PTPRH: variants seen among roughly 807,000 people sequenced by gnomAD.
PTPRH encodes the protein protein tyrosine phosphatase receptor type H.
PTPRH carries 113 observed loss-of-function variants against 130.2 expected under a neutral mutation model. The observed-to-expected ratio is 0.87, with a 90% confidence interval of 0.75 to 1.01. PTPRH has a LOEUF of 1.01. Among genes scored for constraint, PTPRH ranks in the 50% least tolerant of loss-of-function variants. The pLI, the probability that PTPRH is intolerant of heterozygous loss-of-function variation, is 0.00. For missense variants in PTPRH, 1,430 were observed against 1,425.0 expected (o/e 1.00, Z -0.06); for synonymous variants, 556 against 577.9 (o/e 0.96, Z 0.54).
intron 9 of PTPRH, 128 bp downstream of exon 9, chr19:55,196,989 T>G (rs924278758): frequency 2.3e-6 from 3 of 1,286,232 alleles, no homozygotes. Context: ...CTTGGGCTCC[T>G]CCATCACTGC....
Position 55,196,679 on chromosome 19 carries a change from C to T in PTPRH, c.2100G>A (p.Val700=), listed in dbSNP as rs776266335. 5 of 1,613,986 alleles carry T rather than the reference C, an allele frequency of 3.1e-6. No individual in the cohort carries two copies. Among genetic ancestry groups the T allele is most frequent in the South Asian group, 1.1e-5 (1 of 91,082 alleles). ...TGTCCTGGGAGCCCCGCTGTCCTCC[C>T]ACCTCCAACTCAAAGGCCTCGTAGC... is the stretch of plus-strand genomic sequence containing the variant. The part of the protein sequence containing the change: ...QGGYEAFELE[V]GGQRGSQDRS... Residue 700 remains valine, a synonymous_variant, in exon 10 of 20, where the codon GTG becomes GTA. Coordinates refer to ENST00000376350, the MANE Select transcript of PTPRH (RefSeq NM_002842.5).
In PTPRH at chr19:55,197,375, T is replaced by A. The variant is rs1224213630; in HGVS notation, c.1732A>T (p.Lys578Ter). The A allele has an allele frequency of 1.2e-6, 2 of 1,613,858 alleles. No individual in the cohort carries two copies. The highest frequency in any genetic ancestry group is 1.7e-6 in the Non-Finnish European group (2 of 1,179,708). The change falls in exon 9 of 20, where the codon AAG (lysine) becomes TAG (stop). Residue 578 changes from lysine to a stop codon, truncating the protein, a stop_gained. Coordinates refer to ENST00000376350, the MANE Select transcript of PTPRH (RefSeq NM_002842.5). LOFTEE classifies it high-confidence loss of function. ...TTCCACCACAGCATGACTGAGTTCT[T>A]AGTCTGAGTTTCATTCTGGAGATCT... Reference protein sequence around the residue: ...VTDLQNETQTKNSVMLWWKAP... With the variant: ...VTDLQNETQT
In PTPRH at chr19:55,197,225, T is replaced by C. The variant is rs538580816; in HGVS notation, c.1882A>G (p.Thr628Ala). The change falls in exon 9 of 20, where the codon ACG becomes GCG. Residue 628 changes from threonine (T) to alanine (A), a missense_variant. Physicochemically the swap from Thr to Ala is moderately conservative, Grantham distance 58 (BLOSUM62 0). Transcript: ENST00000376350. ...WVNQTSRTNETWYKVEALEPG... is the reference protein window; with the variant it reads ...WVNQTSRTNEAWYKVEALEPG... ...TCCAGGGCCTCCACTTTGTACCACGTCTCATTGGTCCTGCTGGTCTGGTTG... is the reference window on the plus strand; with the variant it reads ...TCCAGGGCCTCCACTTTGTACCACGCCTCATTGGTCCTGCTGGTCTGGTTG... 1.3e-4 allele frequency: 203 copies of C among 1,614,142 alleles called. No individual in the cohort carries two copies. Among genetic ancestry groups the C allele is most frequent in the Non-Finnish European group, 1.6e-4 (190 of 1,180,062 alleles).
chr19:55,196,850 C>T, intron 9 of PTPRH, 62 bp from the exon 10 acceptor site: 2 of 1,560,032 alleles, frequency 1.3e-6, no homozygotes, highest in Non-Finnish European at 1.7e-6. Context: ...CCCCTCCACC[C>T]CTACCCCCAG....
At chr19:55,191,213 G>C (rs993292436) in intron 12 of PTPRH, among the ~76,000 whole-genome samples, 1 of 152,214 alleles carries the variant, frequency 6.6e-6, no homozygotes, top group Non-Finnish European at 1.5e-5. Flanking sequence ...TTCATTTGCT[G>C]TTTGTTTGGC....
Position 55,205,328 on chromosome 19 carries a change from G to C in PTPRH, c.617C>G (p.Thr206Arg). 3 of 1,614,200 alleles carry C rather than the reference G, an allele frequency of 1.9e-6. No homozygotes were observed. Among genetic ancestry groups the C allele is most frequent in the Non-Finnish European group, 2.5e-6 (3 of 1,180,030 alleles). The change falls in exon 4 of 20, where the codon ACA becomes AGA. Residue 206 changes from threonine (T) to arginine (R), a missense_variant and splice_region_variant. Thr to Arg is a moderately conservative substitution (Grantham distance 71, BLOSUM62 -1). Transcript: ENST00000376350. ...AACAAATGGCGACTGCCTCTCACCT[G>C]TGGTGGCATTTCGAGTCTCCCGGGA... The part of the protein sequence containing the change: ...NSSRETRNAT[T>R]AHNPVRNLRV...
At chr19:55,189,474 T>C (rs7248028) in intron 12 of PTPRH, among the ~76,000 whole-genome samples, 49,460 of 152,066 alleles carry the variant, frequency 0.33, 8,853 homozygotes, top group South Asian at 0.47. Flanking sequence ...CACTTCCCAC[T>C]GCCCTCCCCT....
intron 18 of PTPRH, among the ~76,000 whole-genome samples, chr19:55,185,087 C>T (rs1441309993): frequency 6.6e-5 from 10 of 151,752 alleles, no homozygotes; most frequent in African/African-American, 2.4e-4. Context: ...CTCTGCCTCC[C>T]GGGTTCAAGT....
intron 9 of PTPRH, 62 bp from the exon 10 acceptor site, chr19:55,196,850 C>A: frequency 1.9e-6 from 3 of 1,560,032 alleles, no homozygotes; most frequent in Non-Finnish European, 2.6e-6. Flanking sequence ...CCCCTCCACC[C>A]CTACCCCCAG....
Position 55,185,599 on chromosome 19 carries a change from C to T in PTPRH, c.2965G>A (p.Val989Ile), listed in dbSNP as rs769872554. 1.7e-5 allele frequency: 27 copies of T among 1,614,078 alleles called. No homozygotes were observed. The highest frequency in any genetic ancestry group is 1.3e-4 in the African/African-American group (10 of 74,932). Residue 989 changes from valine (V) to isoleucine (I), a missense_variant, in exon 18 of 20, where the codon GTT becomes ATT. Physicochemically the swap from Val to Ile is conservative, Grantham distance 29. Coordinates refer to ENST00000376350, the MANE Select transcript of PTPRH (RefSeq NM_002842.5). ...FHYQAWPDHGVPSSPDTLLAF... is the reference protein window; with the variant it reads ...FHYQAWPDHGIPSSPDTLLAF... ...AGCAAGGTGTCTGGGGAGGAGGGAACGCCGTGATCCGGCCAGGCCTGGTAG... is the reference window on the plus strand; with the variant it reads ...AGCAAGGTGTCTGGGGAGGAGGGAATGCCGTGATCCGGCCAGGCCTGGTAG...
intron 14 of PTPRH, among the ~76,000 whole-genome samples, 196 bp downstream of exon 14, chr19:55,187,317 C>A (rs2086379789): frequency 1.6e-5 from 2 of 125,710 alleles, no homozygotes; most frequent in Non-Finnish European, 3.1e-5. Context: ...TGCACTCCAG[C>A]CTGGGTGACA....
Position 55,197,410 on chromosome 19 carries a change from T to C in PTPRH, c.1697A>G (p.Asn566Ser), listed in dbSNP as rs760974174. 2.8e-5 allele frequency: 45 copies of C among 1,611,582 alleles called. No homozygotes were observed. In the Middle Eastern group the frequency reaches 2.0e-3, roughly 71 times the overall value. ...NSTLTAATAPNEVTDLQNETQ... is the reference protein window; with the variant it reads ...NSTLTAATAPSEVTDLQNETQ... Reference sequence around the variant, plus strand: ...TTCATTCTGGAGATCTGTGACCTCATTGGGAGCTGAGAAGTGAGAACAGAG... The same window carrying C: ...TTCATTCTGGAGATCTGTGACCTCACTGGGAGCTGAGAAGTGAGAACAGAG... The change falls in exon 9 of 20, where the codon AAT becomes AGT. Residue 566 changes from asparagine to serine, a missense_variant. Transcript: ENST00000376350.
At chr19:55,203,166 A>G (rs1489124928) in intron 5 of PTPRH, among the ~76,000 whole-genome samples, 1 of 151,368 alleles carries the variant, frequency 6.6e-6, no homozygotes, top group Non-Finnish European at 1.5e-5. Context: ...TCTCTACTAA[A>G]AATACAAAAA....
chr19:55,188,219 T>C, intron 12 of PTPRH, 51 bp from the exon 13 acceptor site: 1 of 1,476,708 alleles, frequency 6.8e-7, no homozygotes, highest in Non-Finnish European at 9.5e-7. Context: ...CTTTTAATCT[T>C]GCACTTTTGA....
chr19:55,183,145 C>T lies in PTPRH; in HGVS notation c.3063-994G>A, dbSNP rs191544820. Among the ~76,000 whole-genome samples, 97 of 148,068 alleles carry T rather than the reference C, an allele frequency of 6.6e-4. 1 individual carries two copies. Among genetic ancestry groups the T allele is most frequent in the African/African-American group, 2.3e-3 (93 of 40,446 alleles). ...GCACAGTGGCTCACGCCTGTAATCC[C>T]AGCACTTTGGGAGGCTGAGGTGGGT... On this transcript the variant is annotated intron_variant, in intron 18 of 19. Transcript: ENST00000376350.
Position 55,209,138 on chromosome 19 carries a change from A to G in PTPRH, c.51+245T>C, listed in dbSNP as rs181920146. On this transcript the variant is annotated intron_variant, in intron 1 of 19. Transcript: ENST00000376350. The surrounding 1 kb of genome is among the most constrained non-coding windows in gnomAD (Gnocchi z 4.1). ...GGCCCGGGTGAAGCTGGTGTCCCCCACAACAGACACGACAATGTCTAAGGG... is the reference window on the plus strand; with the variant it reads ...GGCCCGGGTGAAGCTGGTGTCCCCCGCAACAGACACGACAATGTCTAAGGG... 7.6e-3 allele frequency among the ~76,000 whole-genome samples: 1,141 copies of G among 150,688 alleles called. 15 individuals are homozygous for G. Among genetic ancestry groups the G allele is most frequent in the African/African-American group, 0.026 (1,077 of 40,982 alleles).
In PTPRH at chr19:55,185,868, G is replaced by T; in HGVS notation, c.2895C>A (p.Leu965=). The T allele has an allele frequency of 1.2e-6, 2 of 1,614,066 alleles. No homozygotes were observed. Among genetic ancestry groups the T allele is most frequent in the Non-Finnish European group, 1.7e-6 (2 of 1,180,022 alleles). Reference sequence around the variant, plus strand: ...CGGGGCTGGACACACGCACCTGGAGGAGCAGCAGTTCCCGCACCGTCCAGT... The same window carrying T: ...CGGGGCTGGACACACGCACCTGGAGTAGCAGCAGTTCCCGCACCGTCCAGT... ...MENWTVRELL[L]LQVEEQKTLS... Residue 965 remains leucine, a synonymous_variant, in exon 17 of 20, where the codon CTC becomes CTA. Coordinates refer to ENST00000376350, the MANE Select transcript of PTPRH (RefSeq NM_002842.5).
At chr19:55,208,282 T>C (rs868058004) in intron 1 of PTPRH, among the ~76,000 whole-genome samples, 13 of 18,784 alleles carry the variant, frequency 6.9e-4, no homozygotes, top group African/African-American at 1.0e-3. Context: ...GGGGTCTGGA[T>C]TCCTGGGTCT....
At position 55,181,815 on chromosome 19, in the gene PTPRH, T is replaced by A; in HGVS notation, c.3287A>T (p.Asp1096Val). The change falls in exon 20 of 20, where the codon GAT becomes GTT. Residue 1096 changes from aspartate (D) to valine (V), a missense_variant. Coordinates refer to ENST00000376350, the MANE Select transcript of PTPRH (RefSeq NM_002842.5). ...APAEKEVPYE[D>V]VENLIYENVA... is the part of the protein sequence containing the mutation. ...GTTCTCGTAGATGAGGTTTTCGACA[T>A]CCTCATACGGGACTTCCTTCTCGGC... 1 of 1,614,174 alleles carries A rather than the reference T, an allele frequency of 6.2e-7. No homozygotes were observed. Among genetic ancestry groups the A allele is most frequent in the Non-Finnish European group, 8.5e-7 (1 of 1,180,038 alleles).
Sources: allele counts gnomAD v4.1 joint callset (sites outside exome capture counted in the v4.1 genomes callset), GRCh38; gene constraint gnomAD v4.1.1; non-coding constraint Gnocchi (gnomAD v3.1); transcripts MANE v1.5; gene names NCBI Gene and HGNC (gene_info 2026-07-23, HGNC 2026-07-21).